Variants in MBD5 observed in about 807,000 individuals in gnomAD.
MBD5 encodes methyl-CpG binding domain protein 5, also known as methyl-CpG-binding domain protein 5.
Under a neutral mutation model 117.3 loss-of-function variants are expected in MBD5, and 13 were observed. That is an observed-to-expected ratio of 0.11 (90% confidence interval 0.07 to 0.18). The LOEUF (loss-of-function observed/expected upper bound fraction) is 0.18. Among genes scored for constraint, MBD5 ranks in the 10% least tolerant of loss-of-function variants. The pLI, the probability that MBD5 is intolerant of heterozygous loss-of-function variation, is 1.00. For missense variants in MBD5, 1,879 were observed against 2,093.8 expected (o/e 0.90, Z 2.00); for synonymous variants, 727 against 766.4 (o/e 0.95, Z 0.85).
chr2:148,027,780 A>G (rs979345161), intron 1 of MBD5: 1 of 152,184 alleles, frequency 6.6e-6, no homozygotes, highest in Non-Finnish European at 1.5e-5. Context: ...AATGACCTGC[A>G]GAGTTTGGAA....
chr2:148,442,092 A>T, intron 4 of MBD5, among the ~76,000 whole-genome samples: 1 of 151,906 alleles, frequency 6.6e-6, no homozygotes, highest in Non-Finnish European at 1.5e-5. Context: ...TTTGCTGTGC[A>T]GAAGCTCTTT....
intron 13 of MBD5, among the ~76,000 whole-genome samples, chr2:148,512,558 A>G (rs1403827446): frequency 6.6e-6 from 1 of 152,164 alleles, no homozygotes; most frequent in African/African-American, 2.4e-5. Flanking sequence ...TAAATGGACA[A>G]TGGGGGTAAC....
chr2:148,224,677 G>A (rs546099693), intron 2 of MBD5, among the ~76,000 whole-genome samples: 40 of 151,838 alleles, frequency 2.6e-4, no homozygotes, highest in Non-Finnish European at 4.6e-4. Flanking sequence ...AGCTATTAGT[G>A]TATTGGGGCC....
chr2:148,173,088 A>T (rs1324540883), intron 1 of MBD5, among the ~76,000 whole-genome samples: 2 of 152,318 alleles, frequency 1.3e-5, no homozygotes, highest in East Asian at 1.9e-4. Flanking sequence ...GCCGAATGGC[A>T]CCACTGAAAG....
chr2:148,460,166 G>A (rs1707024352), intron 5 of MBD5: 1 of 152,102 alleles, frequency 6.6e-6, no homozygotes, highest in African/African-American at 2.4e-5. Context: ...TAGAACAAAA[G>A]ACTCTAAAAT....
chr2:148,294,501 G>GTTTTTTTTTTTTTTTTTTTTTTTTTTTTT (rs58961481), intron 3 of MBD5, among the ~76,000 whole-genome samples: 5 of 113,262 alleles, frequency 4.4e-5, no homozygotes, highest in African/African-American at 1.5e-4. Flanking sequence ...TGGGATTACA[G>GTTTTTTTTTTTTTTTTTTTTTTTTTTTTT]TTTTTTTTTT....
chr2:148,055,547 C>T (rs1694834927), intron 1 of MBD5: 1 of 152,706 alleles, frequency 6.5e-6, no homozygotes, highest in Non-Finnish European at 1.5e-5. Flanking sequence ...ATTCTCCTGC[C>T]TCAGCCTTCT....
Position 148,395,426 on chromosome 2 carries a change from C to CTTTTT in MBD5, c.-557+53104_-557+53108dup, listed in dbSNP as rs397758785. On this transcript the variant is annotated intron_variant, in intron 4 of 13. Transcript: ENST00000642680. ...AAGAGAATCCATTGGCCCAACTCAT[C>CTTTTT]TTTTTTTTTTTTTTTTTTCACAGAG... 2.4e-5 allele frequency among the ~76,000 whole-genome samples: 3 copies of CTTTTT among 123,978 alleles called. 1 individual carries two copies. Among genetic ancestry groups the CTTTTT allele is most frequent in the Non-Finnish European group, 3.3e-5 (2 of 60,874 alleles). 81.3% of individuals were successfully genotyped at this position (123,978 alleles called of 152,430 possible). A position where few individuals can be genotyped will look rare whatever the true frequency, so the allele number is the denominator to read the frequency against.
intron 12 of MBD5, among the ~76,000 whole-genome samples, chr2:148,509,562 C>T (rs983480330): frequency 1.3e-4 from 20 of 152,228 alleles, no homozygotes; most frequent in African/African-American, 4.6e-4. Flanking sequence ...CACGCACCGG[C>T]ATTTCAGCCT....
At chr2:148,342,592 T>A (rs188698931) in intron 4 of MBD5, among the ~76,000 whole-genome samples, 593 of 152,100 alleles carry the variant, frequency 3.9e-3, no homozygotes, top group Non-Finnish European at 6.6e-3. Flanking sequence ...GTAACTATTC[T>A]TCATATTTTG....
chr2:148,052,206 GTTTTT>G (rs70992189), intron 1 of MBD5, among the ~76,000 whole-genome samples: 4 of 83,742 alleles, frequency 4.8e-5, no homozygotes, highest in African/African-American at 9.5e-5. Flanking sequence ...CTGTTATTGA[GTTTTT>G]TTTTTTTTTT....
intron 3 of MBD5, among the ~76,000 whole-genome samples, chr2:148,247,699 G>A (rs1044412259): frequency 2.0e-5 from 3 of 151,824 alleles, no homozygotes; most frequent in Non-Finnish European, 4.4e-5. Context: ...GTGGGATGGG[G>A]GCTACAACTG....
At chr2:148,145,069 C>T (rs1697417159) in intron 1 of MBD5, among the ~76,000 whole-genome samples, 1 of 152,104 alleles carries the variant, frequency 6.6e-6, no homozygotes, top group Non-Finnish European at 1.5e-5. Context: ...ATTTATTATT[C>T]CTATTCATGA....
chr2:148,381,789 G>T (rs890660964), intron 4 of MBD5, among the ~76,000 whole-genome samples: 2 of 152,196 alleles, frequency 1.3e-5, no homozygotes, highest in African/African-American at 2.4e-5. Context: ...CCAGAAGAGA[G>T]TGGGGGCCAA....
At chr2:148,382,885 T>C (rs1169865612) in intron 4 of MBD5, among the ~76,000 whole-genome samples, 2 of 151,348 alleles carry the variant, frequency 1.3e-5, no homozygotes, top group Admixed American at 1.3e-4. Flanking sequence ...AAGGCAGAAA[T>C]AAAGATGTTC....
intron 4 of MBD5, among the ~76,000 whole-genome samples, chr2:148,374,816 C>G (rs1373405320): frequency 6.6e-6 from 1 of 152,148 alleles, no homozygotes; most frequent in Non-Finnish European, 1.5e-5. Context: ...TCCTTTCTCC[C>G]ACACATGCGT....
intron 3 of MBD5, among the ~76,000 whole-genome samples, chr2:148,280,147 A>AAC (rs751173785): frequency 1.4e-3 from 212 of 150,934 alleles, no homozygotes; most frequent in Non-Finnish European, 2.4e-3. Flanking sequence ...AAAAAAAAAA[A>AAC]AAACAAAAAG....
At chr2:148,476,303 A>T (rs1680962624) in intron 8 of MBD5, among the ~76,000 whole-genome samples, 1 of 152,230 alleles carries the variant, frequency 6.6e-6, no homozygotes. Flanking sequence ...TCAGCTTTTT[A>T]AAATTCTTCC....
intron 1 of MBD5, among the ~76,000 whole-genome samples, chr2:148,082,736 G>GT (rs201774889): frequency 0.027 from 4,058 of 152,160 alleles, 102 homozygotes; most frequent in African/African-American, 0.068. Flanking sequence ...AGAGGAAGGG[G>GT]TTTTTTATTA....
Sources: gnomAD v4.1 joint callset for allele counts (sites outside exome capture counted in the v4.1 genomes callset) on GRCh38, gnomAD v4.1.1 for gene constraint, MANE v1.5 for transcripts, NCBI Gene and HGNC (gene_info 2026-07-23, HGNC 2026-07-21) for gene names.